PCDH11Y: variants seen among roughly 807,000 people sequenced by gnomAD.
PCDH11Y encodes the protein protocadherin-11 Y-linked.
For missense variants in PCDH11Y, 12 were observed against 224.8 expected, an observed-to-expected ratio of 0.05 and a Z score of 6.05; for synonymous variants, 9 against 83.6, an observed-to-expected ratio of 0.11 and a Z score of 4.87.
intron 4 of PCDH11Y, among the ~76,000 whole-genome samples, chrY:5,674,264 C>T (rs2053551933): frequency 3.0e-5 from 1 of 33,444 alleles, no homozygotes; most frequent in Non-Finnish European, 7.4e-5. Context: ...TTTGTTTCTG[C>T]AATGCTTAAC....
At chrY:5,040,724 T>A (rs2052606220) in intron 3 of PCDH11Y, among the ~76,000 whole-genome samples, 1 of 29,584 alleles carries the variant, frequency 3.4e-5, no homozygotes, top group Non-Finnish European at 8.0e-5. Context: ...GAAAAAAAAA[T>A]TTAAAGAAGA....
At chrY:5,399,792 G>A in intron 2 of PCDH11Y, among the ~76,000 whole-genome samples, 2 of 32,883 alleles carry the variant, frequency 6.1e-5, no homozygotes, top group Non-Finnish European at 1.5e-4. Flanking sequence ...GAGCCACTGC[G>A]CTCAGCCTGT....
chrY:5,695,273 G>A, intron 4 of PCDH11Y, among the ~76,000 whole-genome samples: 1 of 30,818 alleles, frequency 3.2e-5, no homozygotes, highest in East Asian at 8.3e-4. Context: ...TAACTGTTCT[G>A]CTCTTTTTTT....
At chrY:5,518,023 C>G in intron 3 of PCDH11Y, among the ~76,000 whole-genome samples, 1 of 32,045 alleles carries the variant, frequency 3.1e-5, no homozygotes. Flanking sequence ...TACCTCCTTC[C>G]TGCTTACATA....
intron 2 of PCDH11Y, among the ~76,000 whole-genome samples, chrY:5,343,593 T>A (rs372549206): frequency 6.4e-5 from 2 of 31,475 alleles, no homozygotes; most frequent in Non-Finnish European, 1.5e-4. Context: ...AATTATTTAT[T>A]TATTTTTAAT....
At chrY:5,226,800 A>G (rs1602889454) in intron 2 of PCDH11Y, among the ~76,000 whole-genome samples, 2 of 30,440 alleles carry the variant, frequency 6.6e-5, no homozygotes, top group African/African-American at 2.6e-4. Context: ...CCATTGATCT[A>G]TGTGTCTGTT....
intron 2 of PCDH11Y, among the ~76,000 whole-genome samples, chrY:5,421,106 C>CGT (rs2053257911): frequency 3.3e-5 from 1 of 30,006 alleles, no homozygotes; most frequent in African/African-American, 1.3e-4. Context: ...CGAGCGTGGT[C>CGT]GTGCGTGCCT....
chrY:5,397,861 A>AT (rs2053228956), intron 2 of PCDH11Y, among the ~76,000 whole-genome samples: 3 of 32,089 alleles, frequency 9.3e-5, no homozygotes, highest in South Asian at 1.4e-3. Context: ...TAGTTAACAA[A>AT]TTTTTTTTTG....
intron 4 of PCDH11Y, among the ~76,000 whole-genome samples, chrY:5,727,770 C>T (rs2053599852): frequency 3.1e-5 from 1 of 32,679 alleles, no homozygotes; most frequent in Non-Finnish European, 7.6e-5. Context: ...TGACATCACT[C>T]ATTGCTGTTT....
chrY:5,315,315 G>A, intron 2 of PCDH11Y, among the ~76,000 whole-genome samples: 1 of 32,961 alleles, frequency 3.0e-5, no homozygotes, highest in East Asian at 8.1e-4. Context: ...TATAAACAGA[G>A]CAATCTATGA....
intron 3 of PCDH11Y, among the ~76,000 whole-genome samples, chrY:5,520,800 A>G: frequency 3.1e-5 from 1 of 32,478 alleles, no homozygotes; most frequent in African/African-American, 1.2e-4. Flanking sequence ...TTTTATGTAC[A>G]TTTTCTAGTT....
chrY:5,672,034 G>A (rs2053549732), intron 4 of PCDH11Y, among the ~76,000 whole-genome samples: 2 of 32,946 alleles, frequency 6.1e-5, no homozygotes, highest in African/African-American at 2.4e-4. Flanking sequence ...CCTACCTTCT[G>A]TTTATATGAT....
chrY:5,217,868 A>G, intron 2 of PCDH11Y, among the ~76,000 whole-genome samples: 2 of 34,160 alleles, frequency 5.9e-5, no homozygotes, highest in African/African-American at 2.3e-4. Context: ...TCCCAATGTG[A>G]TGTGTTAACA....
At chrY:5,393,356 C>T (rs2053223097) in intron 2 of PCDH11Y, among the ~76,000 whole-genome samples, 1 of 22,546 alleles carries the variant, frequency 4.4e-5, no homozygotes, top group Non-Finnish European at 9.8e-5. Context: ...GGATTACAAA[C>T]ATGAGCCACC....
At chrY:5,020,554 G>A in intron 1 of PCDH11Y, among the ~76,000 whole-genome samples, 2 of 33,276 alleles carry the variant, frequency 6.0e-5, no homozygotes, top group Non-Finnish European at 1.5e-4. Flanking sequence ...AAACTACTGA[G>A]TTTCCTGGTT....
intron 3 of PCDH11Y, among the ~76,000 whole-genome samples, chrY:5,041,859 G>A (rs1602843911): frequency 3.0e-5 from 1 of 33,386 alleles, no homozygotes; most frequent in Non-Finnish European, 7.4e-5. Context: ...CTGATGGCCA[G>A]TGATGATGAG....
chrY:5,283,354 CAG>C (rs2053056397), intron 2 of PCDH11Y, among the ~76,000 whole-genome samples: 1 of 29,342 alleles, frequency 3.4e-5, no homozygotes, highest in Non-Finnish European at 8.2e-5. Context: ...AGTAAAAAAA[CAG>C]AACCGAATAA....
At chrY:5,448,658 T>C in intron 2 of PCDH11Y, among the ~76,000 whole-genome samples, 1 of 33,237 alleles carries the variant, frequency 3.0e-5, no homozygotes, top group Non-Finnish European at 7.4e-5. Context: ...GTCTTGTGTG[T>C]ATTTCATCAT....
At chrY:5,376,867 A>AT (rs2053198177) in intron 2 of PCDH11Y, among the ~76,000 whole-genome samples, 1 of 27,658 alleles carries the variant, frequency 3.6e-5, no homozygotes, top group Non-Finnish European at 8.3e-5. Flanking sequence ...TAGATCTAAA[A>AT]TTTTAGGAGG....
Sources: gnomAD v4.1 joint callset for allele counts (sites outside exome capture counted in the v4.1 genomes callset) on GRCh38, gnomAD v4.1.1 for gene constraint, MANE v1.5 for transcripts, NCBI Gene and HGNC (gene_info 2026-07-23, HGNC 2026-07-21) for gene names.